NEIL3: variants seen among roughly 807,000 people sequenced by gnomAD.
The protein encoded by NEIL3 is nei like DNA glycosylase 3.
Under a neutral mutation model 57.5 loss-of-function variants are expected in NEIL3, and 48 were observed. The observed-to-expected ratio is 0.83, with a 90% confidence interval of 0.66 to 1.06. NEIL3 has a LOEUF of 1.06. Among genes scored for constraint, NEIL3 ranks in the 50% least tolerant of loss-of-function variants. The pLI is 0.00. For synonymous variants in NEIL3, 261 were observed against 253.2 expected (o/e 1.03, Z -0.29); for missense variants, 717 against 739.1 (o/e 0.97, Z 0.35).
intron 4 of NEIL3, among the ~76,000 whole-genome samples, chr4:177,336,732 A>G (rs747608758): frequency 5.9e-5 from 9 of 152,380 alleles, no homozygotes; most frequent in East Asian, 1.9e-4. Flanking sequence ...CCTGTGGTGT[A>G]TGGTAGGCAT....
rs1158417395 is a variant in NEIL3 at position 177,314,085 on chromosome 4, C to A, written c.156+3976C>A. Among the ~76,000 whole-genome samples, 4 of 152,110 alleles carry A rather than the reference C, an allele frequency of 2.6e-5. No homozygotes were observed. The East Asian group carries it at 7.7e-4, about 29-fold the overall frequency. On this transcript the variant is annotated intron_variant, in intron 1 of 9. Coordinates refer to ENST00000264596, the MANE Select transcript of NEIL3 (RefSeq NM_018248.3). ...ATTCATTTTCCAGCAAAATGAGGCT[C>A]ATTTCTTTAAGCATCTGAAGGGGAT...
chr4:177,329,180 G>C (rs1015349576), intron 2 of NEIL3, among the ~76,000 whole-genome samples: 6 of 151,910 alleles, frequency 3.9e-5, no homozygotes, highest in African/African-American at 1.4e-4. Flanking sequence ...CCAAAAGAAT[G>C]CATTAAAAGA....
intron 2 of NEIL3, among the ~76,000 whole-genome samples, chr4:177,332,326 T>A (rs1043636966): frequency 1.3e-5 from 2 of 151,950 alleles, no homozygotes; most frequent in Non-Finnish European, 2.9e-5. Context: ...TGGCTTTTGC[T>A]TCTACCTCAC....
chr4:177,315,576 A>T (rs1453693144), intron 1 of NEIL3, among the ~76,000 whole-genome samples: 1 of 152,196 alleles, frequency 6.6e-6, no homozygotes, highest in African/African-American at 2.4e-5. Context: ...TTGGGCAGCA[A>T]AAGCTTGTAG....
intron 8 of NEIL3, among the ~76,000 whole-genome samples, chr4:177,357,220 A>G (rs569802382): frequency 6.6e-6 from 1 of 152,362 alleles, no homozygotes; most frequent in Non-Finnish European, 1.5e-5. Flanking sequence ...CAAAAAATTC[A>G]GACAGTATTT....
At chr4:177,319,922 A>C (rs1734646141) in intron 1 of NEIL3, among the ~76,000 whole-genome samples, 1 of 152,150 alleles carries the variant, frequency 6.6e-6, no homozygotes, top group Non-Finnish European at 1.5e-5. Context: ...GAGATTGTTG[A>C]CATTGGAGTG....
intron 8 of NEIL3, among the ~76,000 whole-genome samples, chr4:177,357,429 ATTC>A (rs35690398): frequency 0.12 from 18,753 of 151,980 alleles, 1,313 homozygotes; most frequent in South Asian, 0.23. Context: ...GCCCAAGACA[ATTC>A]TTCTTCTTCC....
chr4:177,338,118 T>C (rs1453214426), intron 4 of NEIL3, among the ~76,000 whole-genome samples: 1 of 152,208 alleles, frequency 6.6e-6, no homozygotes, highest in Non-Finnish European at 1.5e-5. Context: ...CAGTTTAACT[T>C]TTCAAGATGT....
At chr4:177,333,521 G>A (rs1459675976) in intron 2 of NEIL3, among the ~76,000 whole-genome samples, 3 of 152,296 alleles carry the variant, frequency 2.0e-5, no homozygotes, top group South Asian at 2.1e-4. Flanking sequence ...ATTTAAAAAA[G>A]TGTATGAAGT....
chr4:177,331,069 T>C (rs1178610372), intron 2 of NEIL3, among the ~76,000 whole-genome samples: 1 of 152,150 alleles, frequency 6.6e-6, no homozygotes, highest in African/African-American at 2.4e-5. Context: ...CTAAAATAAA[T>C]GGACAGATTC....
chr4:177,360,298 C>G (rs1051518345), intron 8 of NEIL3, among the ~76,000 whole-genome samples: 2 of 152,182 alleles, frequency 1.3e-5, no homozygotes, highest in Non-Finnish European at 1.5e-5. Context: ...GTTTTAGGTA[C>G]ATAGGTAACT....
chr4:177,343,612 G>C (rs1422448960), intron 6 of NEIL3: 1 of 152,128 alleles, frequency 6.6e-6, no homozygotes, highest in African/African-American at 2.4e-5. Context: ...TTGTGTCCCT[G>C]CGTTTCATTT....
chr4:177,345,461 A>G (rs1404249080), intron 6 of NEIL3, among the ~76,000 whole-genome samples: 1 of 59,974 alleles, frequency 1.7e-5, no homozygotes, highest in African/African-American at 7.6e-5. Context: ...CTGCAAACCA[A>G]CTCTTTTTTT....
At chr4:177,313,396 C>T (rs1560905934) in intron 1 of NEIL3, among the ~76,000 whole-genome samples, 1 of 152,184 alleles carries the variant, frequency 6.6e-6, no homozygotes, top group East Asian at 1.9e-4. Flanking sequence ...TAGAAGATCC[C>T]AGCATCTGCT....
rs199945710 is a variant in NEIL3 at position 177,311,060 on chromosome 4, G to A, written c.156+951G>A. Among the ~76,000 whole-genome samples, 24 of 152,134 alleles carry A rather than the reference G, an allele frequency of 1.6e-4. 1 individual carries two copies. In the East Asian group the frequency reaches 4.4e-3, roughly 28 times the overall value. On this transcript the variant is annotated intron_variant, in intron 1 of 9. Transcript: ENST00000264596. The stretch of plus-strand genomic sequence containing the variant: ...GACTTGATATGCCAGTAAGTACTCT[G>A]TACCTATTTTTTTTTATTATTGTTA...
At chr4:177,319,189 T>C (rs570586546) in intron 1 of NEIL3, among the ~76,000 whole-genome samples, 2 of 152,350 alleles carry the variant, frequency 1.3e-5, no homozygotes, top group South Asian at 4.1e-4. Flanking sequence ...CAGCACTGTC[T>C]ATTTCAAGGT....
intron 2 of NEIL3, among the ~76,000 whole-genome samples, chr4:177,327,011 G>C (rs74540858): frequency 6.6e-6 from 1 of 151,952 alleles, no homozygotes; most frequent in East Asian, 1.9e-4. Flanking sequence ...GGAAAGAGGC[G>C]ACTGGATCAT....
At chr4:177,325,799 A>G (rs1407983727) in intron 2 of NEIL3, among the ~76,000 whole-genome samples, 1 of 151,976 alleles carries the variant, frequency 6.6e-6, no homozygotes, top group East Asian at 1.9e-4. Flanking sequence ...TCTTCTCCCT[A>G]CTAACTAATG....
intron 2 of NEIL3, among the ~76,000 whole-genome samples, chr4:177,328,705 A>G (rs1466092339): frequency 6.6e-6 from 1 of 152,196 alleles, no homozygotes. Context: ...AAGGGATATA[A>G]TAACAGACAG....
Sources: gnomAD v4.1 joint callset for allele counts (sites outside exome capture counted in the v4.1 genomes callset) on GRCh38, gnomAD v4.1.1 for gene constraint, MANE v1.5 for transcripts, NCBI Gene and HGNC (gene_info 2026-07-23, HGNC 2026-07-21) for gene names.